The following LRP1B variants were observed in gnomAD, a reference collection of about 807,000 sequenced individuals.
LRP1B encodes the protein low-density lipoprotein receptor-related protein 1B.
A neutral mutation model predicts 556.6 loss-of-function variants in LRP1B; 217 were observed. That is an observed-to-expected ratio of 0.39 (90% confidence interval 0.35 to 0.44). The LOEUF (loss-of-function observed/expected upper bound fraction) is 0.44. LRP1B is among the 20% of genes least tolerant of loss of function. The pLI is 1.00. For missense variants in LRP1B, 5,053 were observed against 5,620.8 expected, an observed-to-expected ratio of 0.90 and a Z score of 3.23; for synonymous variants, 2,047 against 1,865.8, an observed-to-expected ratio of 1.10 and a Z score of -2.50.
rs367888161 is a variant in LRP1B at position 140,462,948 on chromosome 2, A to G, written c.9626-5297T>C. Among the ~76,000 whole-genome samples, 6 of 152,334 alleles carry G rather than the reference A, an allele frequency of 3.9e-5. No homozygotes were observed. The East Asian group carries it at 5.8e-4, about 15-fold the overall frequency. ...TTTCCCCTGATATTTTTCTGGAAGA[A>G]TAAGAGCACAATGAGATGTGTAGAG... On this transcript the variant is annotated intron_variant, in intron 60 of 90. Transcript: ENST00000389484.
At chr2:140,356,221 A>G in intron 75 of LRP1B, 121 bp downstream of exon 75, 2 of 973,044 alleles carry the variant, frequency 2.1e-6, no homozygotes, top group South Asian at 1.5e-5. Context: ...GTGAAATGGT[A>G]TCCCGTAGAT....
At chr2:141,195,509 T>C (rs10190941) in intron 6 of LRP1B, among the ~76,000 whole-genome samples, 57,626 of 151,966 alleles carry the variant, frequency 0.38, 11,398 homozygotes, top group East Asian at 0.71. Flanking sequence ...GATAACTCAG[T>C]AGTCAAATCC....
intron 3 of LRP1B, among the ~76,000 whole-genome samples, chr2:141,477,403 G>C (rs1366264024): frequency 2.6e-5 from 4 of 151,908 alleles, no homozygotes; most frequent in Admixed American, 2.6e-4. Flanking sequence ...GTTCCTTACA[G>C]ACTTGATGGG....
rs61336155 is a variant in LRP1B, at chr2:140,600,767, G to GTTTTTTTTTTTTTTTTTTT, written c.6989+664_6989+682dup. Among the ~76,000 whole-genome samples the GTTTTTTTTTTTTTTTTTTT allele has an allele frequency of 3.7e-4, 21 of 56,890 alleles. 3 individuals carry two copies. Among genetic ancestry groups the GTTTTTTTTTTTTTTTTTTT allele is most frequent in the South Asian group, 9.4e-4 (2 of 2,132 alleles). The allele number at this position is 56,890 out of a possible 152,430, so 37.3% of individuals were successfully genotyped here. ...CCTTACCTGTGCTTTGTTCTTCGGG[G>GTTTTTTTTTTTTTTTTTTT]TTTTTTTTTTTTTTTTTTTTTTTTT... is the stretch of plus-strand genomic sequence containing the variant. On this transcript the variant is annotated intron_variant, in intron 42 of 90. Coordinates refer to ENST00000389484, the MANE Select transcript of LRP1B (RefSeq NM_018557.3).
At chr2:142,111,944 T>A (rs1356979929) in intron 1 of LRP1B, among the ~76,000 whole-genome samples, 1 of 152,090 alleles carries the variant, frequency 6.6e-6, no homozygotes, top group African/African-American at 2.4e-5. Context: ...ATAATGTAAT[T>A]GATCAGAGGT....
rs1021140601 is a variant in LRP1B, at chr2:141,061,998, T to G, written c.1236+53A>C. On this transcript the variant is annotated intron_variant, in intron 8 of 90. Coordinates refer to ENST00000389484, the MANE Select transcript of LRP1B (RefSeq NM_018557.3). ...TTTTCAGTATTGCAAATTTTGGTAT[T>G]ATTCCTTTCTTTTTATTACCCTAGG... is the stretch of plus-strand genomic sequence containing the variant. The G allele has an allele frequency of 4.1e-6, 6 of 1,468,956 alleles. No individual in the cohort carries two copies. In the African/African-American group the frequency reaches 8.4e-5, roughly 21 times the overall value. The allele number at this position is 1,468,956 out of a possible 1,614,324, so 91.0% of individuals were successfully genotyped here.
intron 7 of LRP1B, among the ~76,000 whole-genome samples, chr2:141,121,600 G>C (rs866290274): frequency 3.3e-5 from 5 of 151,992 alleles, no homozygotes; most frequent in African/African-American, 1.2e-4. Context: ...AAATAAAAGA[G>C]GATACAAACA....
intron 1 of LRP1B, among the ~76,000 whole-genome samples, chr2:141,966,959 C>G (rs1363815301): frequency 6.6e-6 from 1 of 151,762 alleles, no homozygotes; most frequent in African/African-American, 2.4e-5. Flanking sequence ...AATCAGTTTC[C>G]CTAAGTCAAG....
At chr2:141,235,196 T>C (rs17600507) in intron 5 of LRP1B, among the ~76,000 whole-genome samples, 4,043 of 152,170 alleles carry the variant, frequency 0.027, 68 homozygotes, top group Non-Finnish European at 0.039. Flanking sequence ...CTACCTTTTA[T>C]CATCAATCAC....
chr2:141,624,098 A>G (rs1414927222), intron 2 of LRP1B, among the ~76,000 whole-genome samples: 1 of 151,352 alleles, frequency 6.6e-6, no homozygotes, highest in Non-Finnish European at 1.5e-5. Context: ...GCATGCAAGG[A>G]ATAAAATTAG....
chr2:140,233,637 A>T (rs1415159868), intron 90 of LRP1B, among the ~76,000 whole-genome samples: 1 of 151,256 alleles, frequency 6.6e-6, no homozygotes, highest in African/African-American at 2.4e-5. Context: ...TTATTATAAA[A>T]GCATAAAATG....
At chr2:140,244,297 T>C (rs1398748992) in intron 87 of LRP1B, among the ~76,000 whole-genome samples, 1 of 151,288 alleles carries the variant, frequency 6.6e-6, no homozygotes, top group African/African-American at 2.4e-5. Context: ...AAAGACAAAG[T>C]AGCAAAAGAG....
chr2:142,027,024 C>A (rs905965448), intron 1 of LRP1B, among the ~76,000 whole-genome samples: 18 of 152,044 alleles, frequency 1.2e-4, no homozygotes, highest in African/African-American at 4.3e-4. Flanking sequence ...TCACTTGTAG[C>A]AGCTAGAAAA....
intron 1 of LRP1B, among the ~76,000 whole-genome samples, chr2:142,093,097 T>G (rs999278956): frequency 5.3e-5 from 8 of 152,100 alleles, no homozygotes; most frequent in Admixed American, 5.2e-4. Flanking sequence ...CATAATTCAA[T>G]TTTTTTCATC....
chr2:141,446,430 G>A (rs552817472), intron 3 of LRP1B, among the ~76,000 whole-genome samples: 16 of 152,136 alleles, frequency 1.1e-4, no homozygotes, highest in Non-Finnish European at 1.9e-4. Flanking sequence ...ATATTGTTAC[G>A]TGTGAATTTG....
At chr2:141,336,764 A>G (rs1687862590) in intron 3 of LRP1B, among the ~76,000 whole-genome samples, 1 of 152,154 alleles carries the variant, frequency 6.6e-6, no homozygotes, top group Non-Finnish European at 1.5e-5. Flanking sequence ...TTTCTTGCTC[A>G]CTATAATTCT....
chr2:141,683,887 T>C (rs1430458204), intron 2 of LRP1B, among the ~76,000 whole-genome samples: 2 of 152,030 alleles, frequency 1.3e-5, no homozygotes, highest in African/African-American at 4.8e-5. Flanking sequence ...AAAGCCACAA[T>C]GACATACCAT....
At chr2:141,616,710 C>T (rs550355051) in intron 2 of LRP1B, among the ~76,000 whole-genome samples, 4 of 152,310 alleles carry the variant, frequency 2.6e-5, no homozygotes, top group South Asian at 2.1e-4. Flanking sequence ...CACCTTAATG[C>T]TTACTGCACA....
chr2:141,941,328 A>G (rs966025325), intron 1 of LRP1B, among the ~76,000 whole-genome samples: 16 of 152,316 alleles, frequency 1.1e-4, no homozygotes, highest in African/African-American at 3.8e-4. Context: ...ATGTGTGTAC[A>G]TGGGCCACTC....
Sources: allele counts gnomAD v4.1 joint callset (sites outside exome capture counted in the v4.1 genomes callset), GRCh38; gene constraint gnomAD v4.1.1; transcripts MANE v1.5; gene names NCBI Gene and HGNC (gene_info 2026-07-23, HGNC 2026-07-21).